The following CAMKK2 variants were observed in gnomAD, a reference collection of about 807,000 sequenced individuals.
CAMKK2 encodes calcium/calmodulin dependent protein kinase kinase 2, also known as calcium/calmodulin-dependent protein kinase kinase 2.
CAMKK2 carries 30 observed loss-of-function variants against 67.2 expected under a neutral mutation model. The observed-to-expected ratio is 0.45, with a 90% CI of 0.33 to 0.61. CAMKK2 has a LOEUF of 0.61. Ranked by LOEUF, CAMKK2 falls within the 20% of genes least tolerant of loss-of-function variation. CAMKK2 has a pLI of 0.02. For missense variants in CAMKK2, 643 were observed against 802.0 expected (o/e 0.80, Z 2.39); for synonymous variants, 322 against 326.2 (o/e 0.99, Z 0.14).
At chr12:121,249,698 G>T in intron 13 of CAMKK2, 89 bp downstream of exon 13, 1 of 1,041,348 alleles carries the variant, frequency 9.6e-7, no homozygotes, top group Non-Finnish European at 1.5e-6. Context: ...GGAGGGTGTG[G>T]TGCTGTGGAC....
chr12:121,244,041 G>A, intron 16 of CAMKK2: 2 of 1,581,984 alleles, frequency 1.3e-6, no homozygotes, highest in Non-Finnish European at 8.6e-7. Flanking sequence ...AAGGAAGGGT[G>A]GCTGACAGCA....
At chr12:121,259,452 A>C (rs927803607) in intron 7 of CAMKK2, among the ~76,000 whole-genome samples, 1 of 152,186 alleles carries the variant, frequency 6.6e-6, no homozygotes, top group Non-Finnish European at 1.5e-5. Context: ...CCTCAGAAAG[A>C]GCTCAAAGCC....
Position 121,253,163 on chromosome 12 carries a change from G to T in CAMKK2, c.1107+110C>A. On this transcript the variant is annotated intron_variant, in intron 10 of 16. Transcript: ENST00000404169. This position sits in a 1 kb window ranked among gnomAD's most constrained non-coding sequence, Gnocchi z 5.0. ...CCTGAAGCCTACCCCTCAGTATCTT[G>T]ATCCAGGGGATTCACTGTTTAAGCC... The T allele has an allele frequency of 1.1e-6, 1 of 918,816 alleles. No individual in the cohort carries two copies. The allele number at this position is 918,816 out of a possible 1,614,324, so 56.9% of individuals were successfully genotyped here.
intron 7 of CAMKK2, among the ~76,000 whole-genome samples, chr12:121,259,330 C>A (rs528692432): frequency 2.0e-5 from 3 of 152,152 alleles, no homozygotes; most frequent in African/African-American, 4.8e-5. Flanking sequence ...TCAAAACCCA[C>A]GCATCACACT....
chr12:121,275,890 G>A (rs1021088136), intron 1 of CAMKK2, among the ~76,000 whole-genome samples: 2 of 152,138 alleles, frequency 1.3e-5, no homozygotes, highest in African/African-American at 4.8e-5. Flanking sequence ...GGCCAGGCAC[G>A]GCAGCTCACG....
At position 121,274,036 on chromosome 12, in the gene CAMKK2, C is replaced by T. The variant is rs1321701885; in HGVS notation, c.471+20G>A. The T allele has an allele frequency of 6.9e-7, 1 of 1,459,004 alleles. No individual in the cohort carries two copies. The highest frequency in any genetic ancestry group is 9.1e-7 in the Non-Finnish European group (1 of 1,100,258). The allele number at this position is 1,459,004 out of a possible 1,614,324, so 90.4% of individuals were successfully genotyped here. A position where few individuals can be genotyped will look rare whatever the true frequency, so the allele number is the denominator to read the frequency against. The stretch of plus-strand genomic sequence containing the variant: ...GGCACCAGGGACCCCTAGGACCTGG[C>T]TCACCACCGGCTCACGCACCTGCAT... On this transcript the variant is annotated intron_variant, in intron 2 of 16. Coordinates refer to ENST00000404169, the MANE Select transcript of CAMKK2 (RefSeq NM_001270485.2).
At chr12:121,292,744 G>T (rs1770009154) in intron 1 of CAMKK2, among the ~76,000 whole-genome samples, 1 of 152,144 alleles carries the variant, frequency 6.6e-6, no homozygotes, top group South Asian at 2.1e-4. Context: ...GAGCCTAGAG[G>T]ATCACTTGAG....
In CAMKK2 at chr12:121,240,015, C is replaced by T. The variant is rs1195037259; in HGVS notation, c.*684G>A. On this transcript the variant is annotated 3_prime_UTR_variant, in exon 17 of 17. Transcript: ENST00000404169. This position sits in a 1 kb window ranked among gnomAD's most constrained non-coding sequence, Gnocchi z 4.4. ...CAGTCTTTCAGGAGAAATGTTTCCC[C>T]ACCACAGCTGCTGAATACCCTTCCA... is the stretch of plus-strand genomic sequence containing the variant. 1 of 164,274 alleles carries T rather than the reference C, an allele frequency of 6.1e-6. No individual in the cohort carries two copies. The highest frequency in any genetic ancestry group is 1.3e-5 in the Non-Finnish European group (1 of 74,942). 10.2% of individuals were successfully genotyped at this position (164,274 alleles called of 1,614,324 possible). A position where few individuals can be genotyped will look rare whatever the true frequency, so the allele number is the denominator to read the frequency against.
intron 14 of CAMKK2, among the ~76,000 whole-genome samples, chr12:121,247,127 G>A (rs866121701): frequency 6.6e-6 from 1 of 151,696 alleles, no homozygotes; most frequent in Admixed American, 6.6e-5. Context: ...GTGTTAGCCC[G>A]TCCGCCCTCT....
chr12:121,244,234 G>T, intron 16 of CAMKK2: 1 of 1,177,960 alleles, frequency 8.5e-7, no homozygotes, highest in Non-Finnish European at 1.2e-6. Context: ...ACTCGGGGGG[G>T]CACCCATGGG....
intron 8 of CAMKK2, 50 bp downstream of exon 8, chr12:121,255,733 C>T (rs542832337): frequency 3.1e-6 from 5 of 1,610,192 alleles, no homozygotes; most frequent in Non-Finnish European, 2.5e-6. Flanking sequence ...CTCAGCTATG[C>T]AGCTACAGAA....
At chr12:121,263,963 A>G in intron 5 of CAMKK2, 24 bp from the exon 6 acceptor site, 1 of 1,566,764 alleles carries the variant, frequency 6.4e-7, no homozygotes, top group Non-Finnish European at 8.7e-7. Flanking sequence ...AAACAGACCC[A>G]GGGTCAGGGC....
Position 121,245,151 on chromosome 12 carries a change from T to G in CAMKK2, c.1542A>C (p.Gly514=), listed in dbSNP as rs764937090. ...RREERSLSAP[G]NLLTKKPTRE... ...AGGCGGCCACTCACGTGAGCAAGTT[T>G]CCAGGCGCTGACAGTGAGCGTTCCT... is the stretch of plus-strand genomic sequence containing the variant. Residue 514 remains glycine (G), a synonymous_variant, in exon 15 of 17, where the codon GGA becomes GGC. Coordinates refer to ENST00000404169, the MANE Select transcript of CAMKK2 (RefSeq NM_001270485.2). The surrounding 1 kb of genome is among the most constrained non-coding windows in gnomAD (Gnocchi z 5.8). 6.2e-7 allele frequency: 1 copy of G among 1,601,302 alleles called. No homozygotes were observed. Among genetic ancestry groups the G allele is most frequent in the Non-Finnish European group, 8.5e-7 (1 of 1,173,194 alleles).
intron 1 of CAMKK2, among the ~76,000 whole-genome samples, chr12:121,281,391 G>A (rs149390599): frequency 8.3e-4 from 127 of 152,358 alleles, no homozygotes; most frequent in African/African-American, 2.8e-3. Context: ...ACAGCTCCGA[G>A]GATCCTGCCA....
intron 6 of CAMKK2, among the ~76,000 whole-genome samples, chr12:121,262,524 A>G (rs1893664662): frequency 6.6e-6 from 1 of 151,826 alleles, no homozygotes; most frequent in African/African-American, 2.4e-5. Context: ...AAAAAAAAAA[A>G]TGTATTACTC....
intron 2 of CAMKK2, 53 bp from the exon 3 acceptor site, chr12:121,270,998 G>A (rs755568219): frequency 1.1e-4 from 163 of 1,462,780 alleles, no homozygotes; most frequent in Non-Finnish European, 1.4e-4. Flanking sequence ...TGCAACTAGA[G>A]GCCAGGCACG....
intron 10 of CAMKK2, 81 bp from the exon 11 acceptor site, chr12:121,252,795 T>A: frequency 7.2e-7 from 1 of 1,397,988 alleles, no homozygotes; most frequent in East Asian, 2.3e-5. Flanking sequence ...GGGAACCACC[T>A]CTTGACTTTC....
chr12:121,255,342 T>A (rs866622762), intron 9 of CAMKK2, among the ~76,000 whole-genome samples: 10 of 12,360 alleles, frequency 8.1e-4, no homozygotes, highest in East Asian at 4.9e-3. Flanking sequence ...ATATATAATT[T>A]TATATATATA....
At chr12:121,264,978 AAC>A (rs1266932782) in intron 5 of CAMKK2, among the ~76,000 whole-genome samples, 1 of 151,454 alleles carries the variant, frequency 6.6e-6, no homozygotes, top group Admixed American at 6.6e-5. Flanking sequence ...CAAAACAAAA[AAC>A]AAAAAAAACA....
Sources: allele counts gnomAD v4.1 joint callset (sites outside exome capture counted in the v4.1 genomes callset), GRCh38; gene constraint gnomAD v4.1.1; non-coding constraint Gnocchi (gnomAD v3.1); transcripts MANE v1.5; gene names NCBI Gene and HGNC (gene_info 2026-07-23, HGNC 2026-07-21).